The following NSD1 variants were observed in gnomAD, a reference collection of about 807,000 sequenced individuals.
NSD1 encodes the protein histone-lysine N-methyltransferase, H3 lysine-36 specific.
In NSD1, 26 loss-of-function variants were observed where a neutral mutation model predicts 242.7. The ratio of observed to expected loss-of-function variants is 0.11; its 90% confidence interval spans 0.08 to 0.15. The LOEUF (loss-of-function observed/expected upper bound fraction) is 0.15, where lower values mean the gene tolerates loss of function less well. Ranked by LOEUF, NSD1 falls within the 10% of genes least tolerant of loss-of-function variation. NSD1 has a pLI of 1.00. For missense variants in NSD1, 2,495 were observed against 3,272.8 expected (o/e 0.76, Z 5.80); for synonymous variants, 1,106 against 1,178.1 (o/e 0.94, Z 1.25).
chr5:177,208,499 T>C (rs544809204), intron 4 of NSD1, among the ~76,000 whole-genome samples: 6 of 151,838 alleles, frequency 4.0e-5, no homozygotes, highest in South Asian at 2.1e-4. Flanking sequence ...TTTTCTTTTT[T>C]TTTTCTTGGT....
intron 3 of NSD1, among the ~76,000 whole-genome samples, chr5:177,198,942 A>G (rs1323929938): frequency 6.6e-6 from 1 of 152,174 alleles, no homozygotes; most frequent in African/African-American, 2.4e-5. Context: ...GCCTTAAGCA[A>G]CCACTAATGT....
intron 2 of NSD1, among the ~76,000 whole-genome samples, chr5:177,176,699 T>G (rs1760236136): frequency 6.6e-6 from 1 of 152,214 alleles, no homozygotes; most frequent in African/African-American, 2.4e-5. Context: ...TCCTGATTAT[T>G]GGTACAGTTA....
At chr5:177,284,961 A>G (rs927481669) in intron 20 of NSD1, among the ~76,000 whole-genome samples, 1 of 152,112 alleles carries the variant, frequency 6.6e-6, no homozygotes, top group African/African-American at 2.4e-5. Flanking sequence ...CAAAACAACA[A>G]AAACCTCTCA....
At chr5:177,287,313 T>C (rs537543569) in intron 20 of NSD1, among the ~76,000 whole-genome samples, 1 of 152,364 alleles carries the variant, frequency 6.6e-6, no homozygotes, top group East Asian at 1.9e-4. Flanking sequence ...CTATAAAATT[T>C]TAGTTATCTA....
In NSD1 at chr5:177,244,265, G is replaced by C. The variant is rs758107497; in HGVS notation, c.4373G>C (p.Gly1458Ala). 2 of 1,610,648 alleles carry C rather than the reference G, an allele frequency of 1.2e-6. No individual in the cohort carries two copies. Among genetic ancestry groups the C allele is most frequent in the Non-Finnish European group, 1.7e-6 (2 of 1,176,982 alleles). ...GCCACATCTTATTCAAAAGATTTTGGTGGAGGTGAGTATTTTTGAGATTTA... is the reference window on the plus strand; with the variant it reads ...GCCACATCTTATTCAAAAGATTTTGCTGGAGGTGAGTATTTTTGAGATTTA... ...SCATSYSKDF[G>A]GGTTKIFDKP... The change falls in exon 9 of 23, where the codon GGT (glycine) becomes GCT (alanine). Residue 1458 changes from glycine (G) to alanine (A), a missense_variant. Physicochemically the swap from Gly to Ala is moderately conservative, Grantham distance 60. Coordinates refer to ENST00000439151, the MANE Select transcript of NSD1 (RefSeq NM_022455.5).
In NSD1 at chr5:177,210,581, G is replaced by A. The variant is rs764064886; in HGVS notation, c.2182G>A (p.Val728Ile). The A allele has an allele frequency of 6.2e-7, 1 of 1,614,110 alleles. No individual in the cohort carries two copies. Among genetic ancestry groups the A allele is most frequent in the South Asian group, 1.1e-5 (1 of 91,074 alleles). Residue 728 changes from valine (V) to isoleucine (I), a missense_variant, in exon 5 of 23, where the codon GTT (valine) becomes ATT (isoleucine). Physicochemically the swap from Val to Ile is conservative, Grantham distance 29. Coordinates refer to ENST00000439151, the MANE Select transcript of NSD1 (RefSeq NM_022455.5). ...AGAGCCTGGAACCGAGACGTCTCAG[G>A]TTAATCTCTCTGATCTGAAGGCATC... ...SAEPGTETSQ[V>I]NLSDLKASTL...
At chr5:177,266,501 T>C (rs913478546) in intron 14 of NSD1, 47 of 626,342 alleles carry the variant, frequency 7.5e-5, no homozygotes, top group Non-Finnish European at 2.3e-5. Flanking sequence ...TCTTTGGACG[T>C]CATGCCCTCG....
At chr5:177,239,034 A>AGTTG (rs1489176075) in intron 7 of NSD1, among the ~76,000 whole-genome samples, 1 of 152,178 alleles carries the variant, frequency 6.6e-6, no homozygotes, top group Non-Finnish European at 1.5e-5. Flanking sequence ...ACCTGGGGAG[A>AGTTG]GTTGGATCTA....
At chr5:177,215,745 G>A (rs1193319335) in intron 5 of NSD1, among the ~76,000 whole-genome samples, 6 of 151,910 alleles carry the variant, frequency 3.9e-5, no homozygotes, top group Non-Finnish European at 7.4e-5. Flanking sequence ...CTCCTGCTTC[G>A]GCCTCCCAAA....
rs116411477 is a variant in NSD1, at chr5:177,232,723, G to T, written c.3797-3098G>T. 5.5e-3 allele frequency among the ~76,000 whole-genome samples: 833 copies of T among 152,286 alleles called. 6 individuals are homozygous for T. Among genetic ancestry groups the T allele is most frequent in the African/African-American group, 0.019 (787 of 41,554 alleles). ...ATTCATTGTGTTTTTAAATTAAAAA[G>T]AATTTTTTCCTGCTTTGTGGTATAA... On this transcript the variant is annotated intron_variant, in intron 5 of 22. Coordinates refer to ENST00000439151, the MANE Select transcript of NSD1 (RefSeq NM_022455.5).
intron 5 of NSD1, among the ~76,000 whole-genome samples, chr5:177,220,447 T>G (rs1764137767): frequency 6.6e-6 from 1 of 152,120 alleles, no homozygotes; most frequent in Admixed American, 6.6e-5. Context: ...AAGGCTCACT[T>G]AAATCTTAGG....
upstream of NSD1, among the ~76,000 whole-genome samples, chr5:177,132,358 T>TCCCGTCCCGGCC (rs1338477690): frequency 1.3e-5 from 2 of 151,082 alleles, no homozygotes; most frequent in Non-Finnish European, 3.0e-5. This position sits in a 1 kb window ranked among gnomAD's most constrained non-coding sequence, Gnocchi z 7.5. Flanking sequence ...GCGCGGCCCG[T>TCCCGTCCCGGCC]CCCGTCCCGG....
At position 177,135,956 on chromosome 5, in the gene NSD1, A is replaced by C; in HGVS notation, c.853A>C (p.Ser285Arg). ...ATCTTTTCAGGATGATCCAGATTCC[A>C]GTACCAGTACATTAGGAAACATGCT... ...NLSFQDDPDS[S>R]TSTLGNMLEL... Residue 285 changes from serine to arginine, a missense_variant, in exon 2 of 23, where the codon AGT (serine) becomes CGT (arginine). Physicochemically the swap from Ser to Arg is moderately radical, Grantham distance 110. Transcript: ENST00000439151. 1 of 1,614,108 alleles carries C rather than the reference A, an allele frequency of 6.2e-7. No individual in the cohort carries two copies.
At position 177,297,689 on chromosome 5, in the gene NSD1, A is replaced by C; in HGVS notation, c.*2230A>C. On this transcript the variant is annotated 3_prime_UTR_variant, in exon 23 of 23. Transcript: ENST00000439151. ...GGGGCGGGGGGAGGGCGTGCAGGCC[A>C]TGTAAAAATTTTCCGTGGAGAAGTT... 1 of 231,276 alleles carries C rather than the reference A, an allele frequency of 4.3e-6. No homozygotes were observed. Among genetic ancestry groups the C allele is most frequent in the Non-Finnish European group, 8.5e-6 (1 of 116,984 alleles). The allele number at this position is 231,276 out of a possible 1,614,324, so 14.3% of individuals were successfully genotyped here. A position where few individuals can be genotyped will look rare whatever the true frequency, so the allele number is the denominator to read the frequency against.
intron 13 of NSD1, among the ~76,000 whole-genome samples, chr5:177,257,966 C>T (rs1581461941): frequency 7.1e-6 from 1 of 140,732 alleles, no homozygotes; most frequent in Non-Finnish European, 1.5e-5. Flanking sequence ...GCGTGGCCCC[C>T]CTGGGCCTTT....
At chr5:177,140,461 T>C (rs1461871376) in intron 2 of NSD1, among the ~76,000 whole-genome samples, 1 of 152,100 alleles carries the variant, frequency 6.6e-6, no homozygotes, top group African/African-American at 2.4e-5. Flanking sequence ...TAAAATCTGT[T>C]TGGAAGACTT....
At chr5:177,243,439 C>G (rs1766042466) in intron 8 of NSD1, among the ~76,000 whole-genome samples, 1 of 152,132 alleles carries the variant, frequency 6.6e-6, no homozygotes, top group Admixed American at 6.6e-5. Context: ...CTCAGGTGAT[C>G]TGCCCCCCTC....
rs147540632 is a variant in NSD1, at chr5:177,248,222, G to A, written c.4539G>A (p.Glu1513=). 6.2e-7 allele frequency: 1 copy of A among 1,614,172 alleles called. No homozygotes were observed. Among genetic ancestry groups the A allele is most frequent in the Non-Finnish European group, 8.5e-7 (1 of 1,180,028 alleles). Residue 1513 remains glutamate, a synonymous_variant, in exon 11 of 23, where the codon GAG becomes GAA. Coordinates refer to ENST00000439151, the MANE Select transcript of NSD1 (RefSeq NM_022455.5). ...ACAGGACGGCCACAAGCCCCAAGGA[G>A]ACTGTTGAGGAAGGTGTAGAACACG... is the stretch of plus-strand genomic sequence containing the variant. ...MPHRTATSPK[E]TVEEGVEHDP...
chr5:177,259,814 G>T lies in NSD1; in HGVS notation c.4967-175G>T, dbSNP rs80104688. Reference sequence around the variant, plus strand: ...ATTCCTTTTGGAGACTTATCACATAGCTCCCATCTGAGTTTTCTTGATGGA... The same window carrying T: ...ATTCCTTTTGGAGACTTATCACATATCTCCCATCTGAGTTTTCTTGATGGA... On this transcript the variant is annotated intron_variant, in intron 13 of 22. Coordinates refer to ENST00000439151, the MANE Select transcript of NSD1 (RefSeq NM_022455.5). Among the ~76,000 whole-genome samples the T allele has an allele frequency of 0.026, 3,920 of 152,268 alleles. 50 individuals carry two copies. The highest frequency in any genetic ancestry group is 0.03 in the African/African-American group (1,245 of 41,552).
Sources: gnomAD v4.1 joint callset for allele counts (sites outside exome capture counted in the v4.1 genomes callset) on GRCh38, gnomAD v4.1.1 for gene constraint, Gnocchi (gnomAD v3.1) non-coding constraint, MANE v1.5 for transcripts, NCBI Gene and HGNC (gene_info 2026-07-23, HGNC 2026-07-21) for gene names.